The following PLXDC2 variants were observed in gnomAD, a reference collection of about 807,000 sequenced individuals.
PLXDC2 encodes plexin domain containing 2, also known as plexin domain-containing protein 2.
In PLXDC2, 40 loss-of-function variants were observed where a neutral mutation model predicts 68.9. The observed-to-expected ratio is 0.58, with a 90% CI of 0.45 to 0.76. The LOEUF is 0.76. Among genes scored for constraint, PLXDC2 ranks in the 30% least tolerant of loss-of-function variants. The probability of loss-of-function intolerance (pLI) is 0.00; values close to 1 mark genes in which losing one functional copy is unlikely to be tolerated. For missense variants in PLXDC2, 644 were observed against 661.9 expected (o/e 0.97, Z 0.30); for synonymous variants, 243 against 234.2 (o/e 1.04, Z -0.34).
At chr10:20,017,608 C>G (rs771616540) in intron 2 of PLXDC2, among the ~76,000 whole-genome samples, 5 of 152,186 alleles carry the variant, frequency 3.3e-5, no homozygotes, top group Non-Finnish European at 5.9e-5. Context: ...TTCCTCCGAA[C>G]AGAATTCATC....
intron 1 of PLXDC2, among the ~76,000 whole-genome samples, chr10:19,888,830 G>T (rs1313356161): frequency 6.6e-6 from 1 of 152,120 alleles, no homozygotes; most frequent in African/African-American, 2.4e-5. Flanking sequence ...TAAAAAGGGA[G>T]ATGAGCTGGA....
intron 2 of PLXDC2, among the ~76,000 whole-genome samples, chr10:20,040,126 C>T (rs1381859661): frequency 6.6e-6 from 1 of 152,110 alleles, no homozygotes; most frequent in Admixed American, 6.6e-5. Flanking sequence ...AAGGAATAAG[C>T]AGAAATCAGC....
intron 2 of PLXDC2, among the ~76,000 whole-genome samples, chr10:20,026,709 G>A (rs562404213): frequency 2.8e-4 from 42 of 151,616 alleles, no homozygotes; most frequent in African/African-American, 9.7e-4. Context: ...CTAAACTGAT[G>A]GATGCACAAA....
chr10:20,179,427 G>A (rs2131828284), intron 9 of PLXDC2, among the ~76,000 whole-genome samples: 1 of 152,148 alleles, frequency 6.6e-6, no homozygotes, highest in Non-Finnish European at 1.5e-5. Flanking sequence ...GCTTCCAAAC[G>A]AAGGAATCAT....
Position 20,217,596 on chromosome 10 carries a change from C to CTTTTTTTTTTTTTTTTT in PLXDC2, c.1273+32_1273+48dup. ...CAGAAGGTACCCAAGAGATAGTTTG[C>CTTTTTTTTTTTTTTTTT]TTTTTTTTTTTTTTTTTTTTTTTTT... is the stretch of plus-strand genomic sequence containing the variant. On this transcript the variant is annotated intron_variant, in intron 11 of 13. Transcript: ENST00000377252. The CTTTTTTTTTTTTTTTTT allele has an allele frequency of 2.6e-6, 2 of 783,780 alleles. No homozygotes were observed. Among genetic ancestry groups the CTTTTTTTTTTTTTTTTT allele is most frequent in the Non-Finnish European group, 3.1e-6 (2 of 647,416 alleles). The allele number at this position is 783,780 out of a possible 1,614,324, so 48.6% of individuals were successfully genotyped here.
chr10:20,061,045 T>G (rs531082737), intron 3 of PLXDC2, among the ~76,000 whole-genome samples: 8 of 152,300 alleles, frequency 5.3e-5, no homozygotes, highest in Non-Finnish European at 8.8e-5. Context: ...TGCAAAAAAT[T>G]TTTAAAGAGT....
chr10:20,134,826 G>T (rs1833914127), intron 4 of PLXDC2, among the ~76,000 whole-genome samples: 1 of 152,104 alleles, frequency 6.6e-6, no homozygotes, highest in South Asian at 2.1e-4. Flanking sequence ...AGTCACATGG[G>T]CCAGCCTGGA....
chr10:19,947,703 C>CT (rs1440733717), intron 1 of PLXDC2, among the ~76,000 whole-genome samples: 3 of 110,038 alleles, frequency 2.7e-5, no homozygotes, highest in Non-Finnish European at 3.8e-5. Flanking sequence ...TCTTTTCTTT[C>CT]TTTCTTTTTT....
intron 1 of PLXDC2, among the ~76,000 whole-genome samples, chr10:19,908,883 T>C (rs762822533): frequency 9.2e-5 from 14 of 152,170 alleles, no homozygotes; most frequent in Non-Finnish European, 1.8e-4. Context: ...GACCTTGCTT[T>C]TCTTTGCTGA....
chr10:20,230,707 A>C (rs1168617137), intron 12 of PLXDC2, among the ~76,000 whole-genome samples: 1 of 149,408 alleles, frequency 6.7e-6, no homozygotes, highest in East Asian at 1.9e-4. Context: ...AAAAAAAAAA[A>C]AAAAAAACAG....
intron 6 of PLXDC2, among the ~76,000 whole-genome samples, chr10:20,148,253 T>C (rs1419728041): frequency 8.2e-6 from 1 of 122,162 alleles, no homozygotes; most frequent in Non-Finnish European, 1.7e-5. Context: ...ATTTACGTAT[T>C]TTCTTTAGTT....
At chr10:20,134,402 A>G (rs979474385) in intron 4 of PLXDC2, among the ~76,000 whole-genome samples, 1 of 152,154 alleles carries the variant, frequency 6.6e-6, no homozygotes, top group Non-Finnish European at 1.5e-5. Context: ...CCATCCAGAA[A>G]TTCTGTGCCA....
intron 9 of PLXDC2, among the ~76,000 whole-genome samples, chr10:20,190,679 TATG>T (rs2131838670): frequency 6.6e-6 from 1 of 151,824 alleles, no homozygotes; most frequent in East Asian, 1.9e-4. Context: ...TAAAAGCTGA[TATG>T]ATGGTAAATG....
chr10:19,849,636 C>G (rs1027652972), intron 1 of PLXDC2, among the ~76,000 whole-genome samples: 1 of 152,122 alleles, frequency 6.6e-6, no homozygotes, highest in Non-Finnish European at 1.5e-5. Context: ...TTTGCTTCCC[C>G]TTCCACCATG....
rs576100866 is a variant in PLXDC2 at position 20,246,549 on chromosome 10, C to T, written c.1473+1044C>T. Reference sequence around the variant, plus strand: ...ATTTTTAGTAGAGATGGGGCTTTGCCATGTTGGCCAGACTGGTCTCAAACT... The same window carrying T: ...ATTTTTAGTAGAGATGGGGCTTTGCTATGTTGGCCAGACTGGTCTCAAACT... On this transcript the variant is annotated intron_variant, in intron 13 of 13. Transcript: ENST00000377252. Among the ~76,000 whole-genome samples, 13 of 152,298 alleles carry T rather than the reference C, an allele frequency of 8.5e-5. 1 individual carries two copies. In the South Asian group the frequency reaches 2.5e-3, roughly 29 times the overall value.
At chr10:19,932,041 A>G (rs1833645488) in intron 1 of PLXDC2, among the ~76,000 whole-genome samples, 1 of 152,178 alleles carries the variant, frequency 6.6e-6, no homozygotes, top group African/African-American at 2.4e-5. Context: ...ATGACTGTAT[A>G]AACAGCTTTT....
intron 1 of PLXDC2, among the ~76,000 whole-genome samples, chr10:19,901,452 C>G (rs186428814): frequency 2.3e-4 from 35 of 152,164 alleles, no homozygotes; most frequent in Admixed American, 2.2e-3. Context: ...TTTCCATAAG[C>G]TTGTTTGCCA....
chr10:20,116,269 C>A (rs943214361), intron 4 of PLXDC2, among the ~76,000 whole-genome samples: 1 of 152,118 alleles, frequency 6.6e-6, no homozygotes, highest in East Asian at 1.9e-4. Context: ...TTTTCCCCCC[C>A]GGAAAACAGT....
chr10:19,947,016 T>G (rs1291254802), intron 1 of PLXDC2, among the ~76,000 whole-genome samples: 1 of 152,070 alleles, frequency 6.6e-6, no homozygotes, highest in African/African-American at 2.4e-5. Context: ...GCCTCTGATC[T>G]CAAGGGTCCT....
Sources: gnomAD v4.1 joint callset for allele counts (sites outside exome capture counted in the v4.1 genomes callset) on GRCh38, gnomAD v4.1.1 for gene constraint, MANE v1.5 for transcripts, NCBI Gene and HGNC (gene_info 2026-07-23, HGNC 2026-07-21) for gene names.